PON1: variants seen among roughly 807,000 people sequenced by gnomAD.
PON1 encodes paraoxonase 1, also known as serum paraoxonase/arylesterase 1.
In PON1, 37 loss-of-function variants were observed where a neutral mutation model predicts 39.2. The ratio of observed to expected loss-of-function variants is 0.94; its 90% CI spans 0.73 to 1.24. The LOEUF is 1.24. PON1 is among the 50% of genes most tolerant of loss of function. The pLI is 0.00. For missense variants in PON1, 397 were observed against 413.5 expected, an observed-to-expected ratio of 0.96 and a Z score of 0.35; for synonymous variants, 148 against 152.2, an observed-to-expected ratio of 0.97 and a Z score of 0.21.
At position 95,298,014 on chromosome 7, in the gene PON1, TA is replaced by T. The variant is rs1245070723; in HGVS notation, c.*929del. 6.6e-6 allele frequency: 1 copy of T among 150,496 alleles called. No individual in the cohort carries two copies. Among genetic ancestry groups the T allele is most frequent in the Non-Finnish European group, 1.5e-5 (1 of 67,858 alleles). The allele number at this position is 150,496 out of a possible 1,614,324, so 9.3% of individuals were successfully genotyped here. A position where few individuals can be genotyped will look rare whatever the true frequency, so the allele number is the denominator to read the frequency against. On this transcript the variant is annotated 3_prime_UTR_variant, in exon 9 of 9. Transcript: ENST00000222381. ...AAAGGGGTTGTTGATCTTTTCTATT[TA>T]TTTGTTTGTTTACCTTTCTATTATT...
intron 7 of PON1, 28 bp from the exon 8 acceptor site, chr7:95,302,361 C>A (rs746228258): frequency 6.3e-7 from 1 of 1,590,552 alleles, no homozygotes; most frequent in East Asian, 2.2e-5. Flanking sequence ...AAGAAAAGAA[C>A]AAGACATAAA....
chr7:95,315,037 C>G (rs1348625122), intron 4 of PON1, among the ~76,000 whole-genome samples: 1 of 152,090 alleles, frequency 6.6e-6, no homozygotes, highest in Non-Finnish European at 1.5e-5. Flanking sequence ...CTATAATGAT[C>G]AGGGCTGGAT....
In PON1 at chr7:95,319,901, T is replaced by C. The variant is rs568824440; in HGVS notation, c.75-1508A>G. Among the ~76,000 whole-genome samples, 4 of 152,342 alleles carry C rather than the reference T, an allele frequency of 2.6e-5. No individual in the cohort carries two copies. In the South Asian group the frequency reaches 6.2e-4, roughly 24 times the overall value. On this transcript the variant is annotated intron_variant, in intron 1 of 8. Coordinates refer to ENST00000222381, the MANE Select transcript of PON1 (RefSeq NM_000446.7). ...ACAATACTCATCCTAATCTGTGTCA[T>C]ACATTCATAACTTTTCTGTTCAATT...
chr7:95,321,276 A>G (rs1033446435), intron 1 of PON1, among the ~76,000 whole-genome samples: 6 of 152,232 alleles, frequency 3.9e-5, no homozygotes, highest in African/African-American at 1.4e-4. Context: ...GAGATCAAAT[A>G]CGAGGTTTGG....
Position 95,297,933 on chromosome 7 carries a change from C to T in PON1, c.*1011G>A, listed in dbSNP as rs1228703931. ...ATGTGTAACCTTTATATATCAGTTT[C>T]TATAACAAAATGATAAAGTCATGTT... On this transcript the variant is annotated 3_prime_UTR_variant, in exon 9 of 9. Transcript: ENST00000222381. 2 of 152,198 alleles carry T rather than the reference C, an allele frequency of 1.3e-5. No individual in the cohort carries two copies. Among genetic ancestry groups the T allele is most frequent in the Non-Finnish European group, 2.9e-5 (2 of 68,022 alleles). 9.4% of individuals were successfully genotyped at this position (152,198 alleles called of 1,614,324 possible).
chr7:95,319,212 C>A (rs569029895), intron 1 of PON1, among the ~76,000 whole-genome samples: 1 of 144,408 alleles, frequency 6.9e-6, no homozygotes, highest in South Asian at 2.2e-4. Flanking sequence ...CCCTAGAAAT[C>A]TTATTTGGCT....
At chr7:95,316,904 G>A (rs1246644669) in intron 2 of PON1, 115 bp from the exon 3 acceptor site, 2 of 779,744 alleles carry the variant, frequency 2.6e-6, no homozygotes, top group East Asian at 2.5e-5. Flanking sequence ...TTCTTTAATA[G>A]GTTCAGAATA....
At chr7:95,316,815 C>T (rs2116321264) in intron 2 of PON1, 26 bp from the exon 3 acceptor site, 3 of 1,583,874 alleles carry the variant, frequency 1.9e-6, no homozygotes, top group Admixed American at 1.7e-5. Context: ...ACAGAAAGTA[C>T]AGGTTGTTTC....
Position 95,307,073 on chromosome 7 carries a change from TA to T in PON1, c.699-708del, listed in dbSNP as rs869261951. Among the ~76,000 whole-genome samples, 476 of 71,654 alleles carry T rather than the reference TA, an allele frequency of 6.6e-3. 2 individuals carry two copies. The highest frequency in any genetic ancestry group is 0.015 in the African/African-American group (262 of 17,652). 47.0% of individuals were successfully genotyped at this position (71,654 alleles called of 152,430 possible). A position where few individuals can be genotyped will look rare whatever the true frequency, so the allele number is the denominator to read the frequency against. ...TTTCTTTCTTTCTTTTTTTTTTTTT[TA>T]AAAAAAAACAGAGTCTTGCTCTGTC... On this transcript the variant is annotated intron_variant, in intron 6 of 8. Transcript: ENST00000222381.
At chr7:95,305,474 T>G (rs1487581516) in intron 7 of PON1, among the ~76,000 whole-genome samples, 1 of 152,028 alleles carries the variant, frequency 6.6e-6, no homozygotes, top group Non-Finnish European at 1.5e-5. Flanking sequence ...CAGAAGCAAA[T>G]AGAAAAACAG....
At chr7:95,322,775 C>T (rs1357914277) in intron 1 of PON1, among the ~76,000 whole-genome samples, 1 of 152,088 alleles carries the variant, frequency 6.6e-6, no homozygotes, top group African/African-American at 2.4e-5. Context: ...AGGTGGGAGA[C>T]TCGTGGGTGG....
intron 3 of PON1, 27 bp downstream of exon 3, chr7:95,316,707 C>T (rs1411441158): frequency 2.5e-6 from 4 of 1,602,984 alleles, no homozygotes; most frequent in Non-Finnish European, 3.4e-6. Context: ...CGTTCTAGAA[C>T]ACAGAAAAGT....
chr7:95,306,481 G>A, intron 6 of PON1, 115 bp from the exon 7 acceptor site: 4 of 796,684 alleles, frequency 5.0e-6, no homozygotes, highest in Non-Finnish European at 8.8e-6. Flanking sequence ...ATGGAAAATG[G>A]AACCCACCTC....
In PON1 at chr7:95,306,302, T is replaced by C. The variant is rs1416884433; in HGVS notation, c.763A>G (p.Thr255Ala). ...CGTCTTACCTTCAATGGAGTTAAAG[T>C]CCAATTAGCATGCTTTTCATACACA... ...IHVYEKHANWTLTPLKSLDFN... is the reference protein window; with the variant it reads ...IHVYEKHANWALTPLKSLDFN... The change falls in exon 7 of 9, where the codon ACT (threonine) becomes GCT (alanine). Residue 255 changes from threonine to alanine, a missense_variant. Transcript: ENST00000222381. The C allele has an allele frequency of 1.9e-6, 3 of 1,610,590 alleles. No individual in the cohort carries two copies. The highest frequency in any genetic ancestry group is 2.5e-6 in the Non-Finnish European group (3 of 1,177,128).
chr7:95,324,005 T>C (rs1379629793), intron 1 of PON1, among the ~76,000 whole-genome samples: 1 of 152,166 alleles, frequency 6.6e-6, no homozygotes, highest in Non-Finnish European at 1.5e-5. Context: ...GGCCAGGCAG[T>C]CAAGGCGCAG....
At chr7:95,318,425 A>T in intron 1 of PON1, 32 bp from the exon 2 acceptor site, 1 of 1,543,264 alleles carries the variant, frequency 6.5e-7, no homozygotes, top group Admixed American at 1.7e-5. Flanking sequence ...AACACACACA[A>T]AACTATTCAG....
rs1390419630 is a variant in PON1 at position 95,311,497 on chromosome 7, TTTC to T, written c.448_450del (p.Glu150del). Reference sequence around the variant, plus strand: ...ATGGTTTTTAGATGCAAAAGCGATTTTTCTTCTTCTTGAAATTTAAACAACTCC... The same window carrying T: ...ATGGTTTTTAGATGCAAAAGCGATTTTTCTTCTTGAAATTTAAACAACTCC... On this transcript the variant is annotated inframe_deletion, in exon 5 of 9. Transcript: ENST00000222381. 30 of 1,614,054 alleles carry T rather than the reference TTTC, an allele frequency of 1.9e-5. No homozygotes were observed. The highest frequency in any genetic ancestry group is 2.1e-5 in the Non-Finnish European group (25 of 1,179,994).
chr7:95,299,177 C>T (rs1337949998), intron 8 of PON1, 75 bp from the exon 9 acceptor site: 1 of 1,409,950 alleles, frequency 7.1e-7, no homozygotes, highest in Non-Finnish European at 1.0e-6. Context: ...TAGGGTCATC[C>T]TCCATAAGAA....
At chr7:95,322,717 C>G (rs1807926821) in intron 1 of PON1, among the ~76,000 whole-genome samples, 1 of 152,162 alleles carries the variant, frequency 6.6e-6, no homozygotes, top group South Asian at 2.1e-4. Context: ...TTTCTACCAT[C>G]ATCCAAGGCA....
Sources: gnomAD v4.1 joint callset for allele counts (sites outside exome capture counted in the v4.1 genomes callset) on GRCh38, gnomAD v4.1.1 for gene constraint, MANE v1.5 for transcripts, NCBI Gene and HGNC (gene_info 2026-07-23, HGNC 2026-07-21) for gene names.